The following LAMC2 variants were observed in gnomAD, a reference collection of about 807,000 sequenced individuals.
The protein encoded by LAMC2 is laminin subunit gamma-2.
LAMC2 carries 97 observed loss-of-function variants against 140.2 expected under a neutral mutation model. That is an observed-to-expected ratio of 0.69 (90% CI 0.59 to 0.82). LAMC2 has a LOEUF of 0.82. LAMC2 is among the 40% of genes least tolerant of loss of function. The probability of loss-of-function intolerance (pLI) is 0.00; values close to 1 mark genes in which losing one functional copy is unlikely to be tolerated. For missense variants in LAMC2, 1,402 were observed against 1,476.1 expected (o/e 0.95, Z 0.82); for synonymous variants, 513 against 540.2 (o/e 0.95, Z 0.70).
rs1337175665 is a variant in LAMC2 at position 183,227,562 on chromosome 1, T to C, written c.1333T>C (p.Cys445Arg). ...DENPDIECAD[C>R]PIGFYNDPHD... ...GAATCCTGACATTGAGTGTGCTGACTGCCCAATTGGTTTCTACAACGATCC... is the reference window on the plus strand; with the variant it reads ...GAATCCTGACATTGAGTGTGCTGACCGCCCAATTGGTTTCTACAACGATCC... Residue 445 changes from cysteine to arginine, a missense_variant, in exon 10 of 23, where the codon TGC becomes CGC. Around this residue, in one of 3 missense-constraint regions of LAMC2, gnomAD observed 723 missense variants for 783.3 expected, o/e 0.92. Coordinates refer to ENST00000264144, the MANE Select transcript of LAMC2 (RefSeq NM_005562.3). 4 of 1,614,078 alleles carry C rather than the reference T, an allele frequency of 2.5e-6. No homozygotes were observed. The African/African-American group carries it at 5.3e-5, about 22-fold the overall frequency.
Position 183,237,488 on chromosome 1 carries a change from GA to G in LAMC2, c.2743del (p.Ser915ValfsTer24). On this transcript the variant is annotated frameshift_variant, in exon 18 of 23. Coordinates refer to ENST00000264144, the MANE Select transcript of LAMC2 (RefSeq NM_005562.3). LOFTEE classifies it high-confidence loss of function. ...KEEAQQLLQN[G>X]KSGREKSDQL... Reference sequence around the variant, plus strand: ...GAAGCACAGCAGCTCTTACAGAATGGAAAAAGTGGGAGAGAGGTATTCTTTT... The same window carrying G: ...GAAGCACAGCAGCTCTTACAGAATGGAAAAGTGGGAGAGAGGTATTCTTTT... The G allele has an allele frequency of 6.2e-7, 1 of 1,613,934 alleles. No individual in the cohort carries two copies. Among genetic ancestry groups the G allele is most frequent in the Non-Finnish European group, 8.5e-7 (1 of 1,179,866 alleles).
At position 183,227,598 on chromosome 1, in the gene LAMC2, C is replaced by T. The variant is rs150065651; in HGVS notation, c.1369C>T (p.Arg457Cys). The change falls in exon 10 of 23, where the codon CGC becomes TGC. Residue 457 changes from arginine to cysteine, a missense_variant. Coordinates refer to ENST00000264144, the MANE Select transcript of LAMC2 (RefSeq NM_005562.3). ...IGFYNDPHDP[R>C]SCKPCPCHNG... is the part of the protein sequence containing the mutation. The stretch of plus-strand genomic sequence containing the variant: ...TTTCTACAACGATCCGCACGACCCC[C>T]GCAGCTGCAAGCCATGTCCCTGTCA... The T allele has an allele frequency of 1.0e-4, 164 of 1,614,152 alleles. No individual in the cohort carries two copies. The highest frequency in any genetic ancestry group is 1.3e-4 in the Non-Finnish European group (155 of 1,180,036).
rs957056079 is a variant in LAMC2 at position 183,223,338 on chromosome 1, C to T, written c.953+14C>T. 1.9e-6 allele frequency: 3 copies of T among 1,611,996 alleles called. No individual in the cohort carries two copies. Among genetic ancestry groups the T allele is most frequent in the Admixed American group, 1.7e-5 (1 of 59,994 alleles). ...TTACACATTCAGGTAAAAAGAGAGA[C>T]CATAAGTAGGTCAATTAGAGCAAAC... is the stretch of plus-strand genomic sequence containing the variant. On this transcript the variant is annotated intron_variant, in intron 7 of 22. Coordinates refer to ENST00000264144, the MANE Select transcript of LAMC2 (RefSeq NM_005562.3).
intron 4 of LAMC2, among the ~76,000 whole-genome samples, chr1:183,219,886 C>T (rs1426477120): frequency 6.6e-6 from 1 of 152,180 alleles, no homozygotes; most frequent in East Asian, 1.9e-4. Flanking sequence ...TCAATCTTGC[C>T]TCAGCCATGT....
the LAMC2 span, chr1:183,252,549 A>G: frequency 1.1e-6 from 1 of 940,156 alleles, no homozygotes. Flanking sequence ...AAAACAGTCA[A>G]GACGAGGAGA....
At chr1:183,187,901 T>C (rs640496) in intron 1 of LAMC2, among the ~76,000 whole-genome samples, 47,183 of 152,184 alleles carry the variant, frequency 0.31, 7,734 homozygotes, top group East Asian at 0.44. Context: ...AGCCACATTA[T>C]AAAAGTAATA....
intron 1 of LAMC2, among the ~76,000 whole-genome samples, chr1:183,206,515 C>T (rs1431922211): frequency 6.6e-6 from 1 of 152,096 alleles, no homozygotes; most frequent in Non-Finnish European, 1.5e-5. Flanking sequence ...CATGGTGGTG[C>T]GCACCTATAA....
chr1:183,226,997 A>G (rs1659646339), intron 9 of LAMC2, 81 bp downstream of exon 9: 1 of 1,109,210 alleles, frequency 9.0e-7, no homozygotes, highest in African/African-American at 1.5e-5. Context: ...CCATGGCTGA[A>G]CTCACATCAG....
At chr1:183,210,230 A>G (rs1188442923) in intron 2 of LAMC2, among the ~76,000 whole-genome samples, 1 of 152,208 alleles carries the variant, frequency 6.6e-6, no homozygotes, top group African/African-American at 2.4e-5. Flanking sequence ...TGTAGAGTAC[A>G]GTGGTGGGTT....
intron 1 of LAMC2, among the ~76,000 whole-genome samples, chr1:183,203,971 G>A (rs1263063074): frequency 1.3e-5 from 2 of 152,190 alleles, no homozygotes; most frequent in Non-Finnish European, 2.9e-5. Context: ...GAACCGTAAT[G>A]CAACTCCATT....
chr1:183,237,360 A>G lies in LAMC2; in HGVS notation c.2610A>G (p.Glu870=), dbSNP rs1376288242. The change falls in exon 18 of 23, where the codon GAA becomes GAG. Residue 870 remains glutamate, a synonymous_variant. Coordinates refer to ENST00000264144, the MANE Select transcript of LAMC2 (RefSeq NM_005562.3). The part of the protein sequence containing the change: ...GVSDQSFQVE[E]AKRIKQKADS... The stretch of plus-strand genomic sequence containing the variant: ...TTTCTTTGGGCTCATAGGTGGAAGA[A>G]GCAAAGAGGATCAAACAAAAAGCGG... 2 of 1,614,192 alleles carry G rather than the reference A, an allele frequency of 1.2e-6. No individual in the cohort carries two copies. Among genetic ancestry groups the G allele is most frequent in the Non-Finnish European group, 1.7e-6 (2 of 1,180,024 alleles).
At chr1:183,220,140 CCTT>C (rs1330847092) in intron 4 of LAMC2, among the ~76,000 whole-genome samples, 1 of 152,206 alleles carries the variant, frequency 6.6e-6, no homozygotes, top group African/African-American at 2.4e-5. Context: ...GCTTCCCCTG[CCTT>C]CTTCTCTGTG....
In LAMC2 at chr1:183,218,441, G is replaced by A. The variant is rs1036032381; in HGVS notation, c.456G>A (p.Ala152=). The change falls in exon 4 of 23, where the codon GCG becomes GCA. Residue 152 remains alanine (A), a synonymous_variant. Transcript: ENST00000264144. Reference sequence around the variant, plus strand: ...CTGGCATCGCAGGGCCCTGTGACGCGGGCCGCTGTGTCTGCAAGCCAGCTG... The same window carrying A: ...CTGGCATCGCAGGGCCCTGTGACGCAGGCCGCTGTGTCTGCAAGCCAGCTG... ...DPAGIAGPCD[A]GRCVCKPAVT... is the part of the protein sequence containing the mutation. 32 of 1,613,960 alleles carry A rather than the reference G, an allele frequency of 2.0e-5. No individual in the cohort carries two copies. The highest frequency in any genetic ancestry group is 2.5e-5 in the Non-Finnish European group (29 of 1,179,984).
At chr1:183,213,479 A>C (rs1307558635) in intron 2 of LAMC2, among the ~76,000 whole-genome samples, 1 of 152,252 alleles carries the variant, frequency 6.6e-6, no homozygotes, top group African/African-American at 2.4e-5. Flanking sequence ...CCTTGGCTTC[A>C]TAGACTATGG....
In LAMC2 at chr1:183,235,695, C is replaced by G; in HGVS notation, c.2421C>G (p.Ser807Arg). 6.2e-7 allele frequency: 1 copy of G among 1,614,226 alleles called. No homozygotes were observed. Among genetic ancestry groups the G allele is most frequent in the East Asian group, 2.2e-5 (1 of 44,892 alleles). Reference protein sequence around the residue: ...LHEGVGSGSGSPDGAVVQGLV... With the variant: ...LHEGVGSGSGRPDGAVVQGLV... Reference sequence around the variant, plus strand: ...AAGGAGTCGGAAGCGGAAGCGGTAGCCCGGACGGTGCTGTGGTGCAAGGGC... The same window carrying G: ...AAGGAGTCGGAAGCGGAAGCGGTAGGCCGGACGGTGCTGTGGTGCAAGGGC... Residue 807 changes from serine to arginine, a missense_variant, in exon 16 of 23, where the codon AGC becomes AGG. Transcript: ENST00000264144.
intron 18 of LAMC2, 58 bp from the exon 19 acceptor site, chr1:183,238,249 G>A (rs894065185): frequency 1.6e-6 from 2 of 1,236,104 alleles, no homozygotes; most frequent in South Asian, 1.2e-5. Context: ...ATGTGTCAGA[G>A]TGATTTTGCC....
intron 7 of LAMC2, 121 bp from the exon 8 acceptor site, chr1:183,225,487 C>A: frequency 1.3e-6 from 1 of 756,264 alleles, no homozygotes; most frequent in South Asian, 1.4e-5. Context: ...CAGTCCTATG[C>A]CCCCTTCTAA....
At chr1:183,229,905 C>T in intron 11 of LAMC2, among the ~76,000 whole-genome samples, 1 of 152,132 alleles carries the variant, frequency 6.6e-6, no homozygotes, top group East Asian at 1.9e-4. Flanking sequence ...AGGAAAAGCC[C>T]ATATGACACC....
chr1:183,194,427 T>C (rs1658449293), intron 1 of LAMC2, among the ~76,000 whole-genome samples: 1 of 152,158 alleles, frequency 6.6e-6, no homozygotes, highest in African/African-American at 2.4e-5. Flanking sequence ...AGGGATGTAG[T>C]GATAGCAAAA....
Sources: allele counts gnomAD v4.1 joint callset (sites outside exome capture counted in the v4.1 genomes callset), GRCh38; gene constraint gnomAD v4.1.1; regional missense constraint gnomAD v4.1.1; transcripts MANE v1.5; gene names NCBI Gene and HGNC (gene_info 2026-07-23, HGNC 2026-07-21).